RUNX3: variants seen among roughly 807,000 people sequenced by gnomAD.
The protein encoded by RUNX3 is RUNX family transcription factor 3, also known as runt-related transcription factor 3.
A neutral mutation model predicts 27.7 loss-of-function variants in RUNX3; 10 were observed. The observed-to-expected ratio is 0.36, with a 90% confidence interval of 0.22 to 0.61. The LOEUF is 0.61. RUNX3 is among the 20% of genes least tolerant of loss of function. The pLI is 0.72. For synonymous variants in RUNX3, 270 were observed against 269.2 expected, an observed-to-expected ratio of 1.00 and a Z score of -0.03; for missense variants, 469 against 629.5, an observed-to-expected ratio of 0.75 and a Z score of 2.73.
chr1:24,946,389 C>T (rs958905599), intron 2 of RUNX3, among the ~76,000 whole-genome samples: 1 of 150,516 alleles, frequency 6.6e-6, no homozygotes, highest in African/African-American at 2.4e-5. Flanking sequence ...GCCCTCCCTC[C>T]CTTCTCTCCT....
chr1:24,919,558 AC>A, intron 2 of RUNX3: 4 of 425,042 alleles, frequency 9.4e-6, no homozygotes, highest in South Asian at 3.4e-5. Flanking sequence ...AACTTTGTCA[AC>A]CCCCCGCCCC....
At chr1:24,945,503 G>A (rs922209274) in intron 2 of RUNX3, among the ~76,000 whole-genome samples, 1 of 152,198 alleles carries the variant, frequency 6.6e-6, no homozygotes, top group African/African-American at 2.4e-5. Context: ...CGGGCTGAGT[G>A]CTTTACACTT....
At chr1:24,938,353 T>C (rs1366576400) in intron 2 of RUNX3, among the ~76,000 whole-genome samples, 1 of 152,186 alleles carries the variant, frequency 6.6e-6, no homozygotes, top group Non-Finnish European at 1.5e-5. Context: ...ATCTAATAGC[T>C]GGGGAAACCG....
chr1:24,916,377 C>T lies in RUNX3; in HGVS notation c.544+2863G>A, dbSNP rs888583675. Among the ~76,000 whole-genome samples, 7 of 151,956 alleles carry T rather than the reference C, an allele frequency of 4.6e-5. No homozygotes were observed. The highest frequency in any genetic ancestry group is 9.7e-5 in the African/African-American group (4 of 41,200). On this transcript the variant is annotated intron_variant, in intron 3 of 4. Transcript: ENST00000308873. The surrounding 1 kb of genome is among the most constrained non-coding windows in gnomAD (Gnocchi z 4.8). ...GAGGTGAAAAGGCCCTTCCAAGTGG[C>T]CCTCACTTCCCGCAGCCCCCGGGTC...
chr1:24,949,445 T>C (rs1462842105), intron 2 of RUNX3, among the ~76,000 whole-genome samples: 1 of 152,124 alleles, frequency 6.6e-6, no homozygotes, highest in African/African-American at 2.4e-5. Context: ...ACTCAGACCC[T>C]GCCCAGCACC....
intron 3 of RUNX3, among the ~76,000 whole-genome samples, chr1:24,913,027 T>C (rs1025004359): frequency 3.9e-5 from 6 of 152,126 alleles, no homozygotes; most frequent in Non-Finnish European, 8.8e-5. Context: ...CAATTTCCAA[T>C]CATACCCTGC....
At chr1:24,913,482 G>GA (rs1640832775) in intron 3 of RUNX3, among the ~76,000 whole-genome samples, 1 of 152,274 alleles carries the variant, frequency 6.6e-6, no homozygotes, top group South Asian at 2.1e-4. Flanking sequence ...AAGGTTTCAA[G>GA]AATTACACAG....
intron 2 of RUNX3, among the ~76,000 whole-genome samples, chr1:24,964,104 C>T (rs569238284): frequency 2.0e-5 from 3 of 152,282 alleles, no homozygotes; most frequent in African/African-American, 7.2e-5. Context: ...ACAGCTCTCC[C>T]CAGAAGTTGC....
chr1:24,953,375 A>AAAAAAG (rs1553207892), intron 2 of RUNX3, among the ~76,000 whole-genome samples: 1 of 137,100 alleles, frequency 7.3e-6, no homozygotes, highest in South Asian at 2.5e-4. Flanking sequence ...AAAAAAAAAA[A>AAAAAAG]AAAAGAAAAG....
chr1:24,909,184 G>A (rs919627241), intron 3 of RUNX3, among the ~76,000 whole-genome samples: 6 of 152,146 alleles, frequency 3.9e-5, no homozygotes, highest in Non-Finnish European at 7.4e-5. Context: ...TATCAAGCTT[G>A]CAGGGACCTC....
At chr1:24,929,104 G>A (rs1461568194) in intron 1 of RUNX3, 1 of 459,704 alleles carries the variant, frequency 2.2e-6, no homozygotes. Flanking sequence ...CCGGCCTAGC[G>A]CCGTCCGGTA....
intron 2 of RUNX3, among the ~76,000 whole-genome samples, chr1:24,948,675 G>A (rs1464516048): frequency 6.7e-6 from 1 of 149,574 alleles, no homozygotes; most frequent in Non-Finnish European, 1.5e-5. Flanking sequence ...TGGGGGGTGC[G>A]TGCAAGACAG....
intron 3 of RUNX3, among the ~76,000 whole-genome samples, chr1:24,909,826 G>A (rs1180309581): frequency 6.6e-6 from 1 of 152,200 alleles, no homozygotes; most frequent in Non-Finnish European, 1.5e-5. Context: ...CCCTAACACG[G>A]TCACGGCCAT....
Position 24,927,801 on chromosome 1 carries a change from G to A in RUNX3, c.283-71C>T. The A allele has an allele frequency of 7.0e-7, 1 of 1,419,184 alleles. No homozygotes were observed. The highest frequency in any genetic ancestry group is 1.7e-5 in the Admixed American group (1 of 59,414). 87.9% of individuals were successfully genotyped at this position (1,419,184 alleles called of 1,614,324 possible). On this transcript the variant is annotated intron_variant, in intron 1 of 4. Coordinates refer to ENST00000308873, the MANE Select transcript of RUNX3 (RefSeq NM_004350.3). The surrounding 1 kb of genome is among the most constrained non-coding windows in gnomAD (Gnocchi z 5.0). ...AAGAGGGTGACCAGGGAAAGGAGGG[G>A]AGGGGCTGGGCTGGGCAGCTCCCCC... is the stretch of plus-strand genomic sequence containing the variant.
intron 2 of RUNX3, among the ~76,000 whole-genome samples, chr1:24,954,935 C>T (rs1641877740): frequency 6.6e-6 from 1 of 152,162 alleles, no homozygotes; most frequent in East Asian, 1.9e-4. Context: ...TTGGTTCAGT[C>T]CTGGAGCCCT....
Position 24,916,715 on chromosome 1 carries a change from T to C in RUNX3, c.544+2525A>G, listed in dbSNP as rs762202458. On this transcript the variant is annotated intron_variant, in intron 3 of 4. Coordinates refer to ENST00000308873, the MANE Select transcript of RUNX3 (RefSeq NM_004350.3). The surrounding 1 kb of genome is among the most constrained non-coding windows in gnomAD (Gnocchi z 4.8). ...GCCAGGGACAGGAACAGGCAGGTCC[T>C]AAGGATGGGGGACCTAGTAGACTGC... Among the ~76,000 whole-genome samples the C allele has an allele frequency of 6.6e-6, 1 of 152,104 alleles. No individual in the cohort carries two copies. Among genetic ancestry groups the C allele is most frequent in the African/African-American group, 2.4e-5 (1 of 41,404 alleles).
At chr1:24,918,311 CT>C (rs1640927425) in intron 3 of RUNX3, among the ~76,000 whole-genome samples, 1 of 152,192 alleles carries the variant, frequency 6.6e-6, no homozygotes, top group Admixed American at 6.5e-5. Context: ...GGGCGCCTTC[CT>C]GCTCCTTGCA....
chr1:24,927,340 G>A lies in RUNX3; in HGVS notation c.439+234C>T, dbSNP rs1641118270. The stretch of plus-strand genomic sequence containing the variant: ...GGGGGTGGCATGAACGGTTTCAGGA[G>A]TTGGTAAACCCTAGAAACTGGGAGA... On this transcript the variant is annotated intron_variant, in intron 2 of 4. Transcript: ENST00000308873. This position sits in a 1 kb window ranked among gnomAD's most constrained non-coding sequence, Gnocchi z 5.0. Among the ~76,000 whole-genome samples, 1 of 152,218 alleles carries A rather than the reference G, an allele frequency of 6.6e-6. No homozygotes were observed. The highest frequency in any genetic ancestry group is 6.5e-5 in the Admixed American group (1 of 15,288).
At chr1:24,938,537 G>A (rs1317815193) in intron 2 of RUNX3, among the ~76,000 whole-genome samples, 1 of 152,108 alleles carries the variant, frequency 6.6e-6, no homozygotes, top group African/African-American at 2.4e-5. Flanking sequence ...AGCCCAGGTG[G>A]TCTGTCAGGC....
Sources: gnomAD v4.1 joint callset for allele counts (sites outside exome capture counted in the v4.1 genomes callset) on GRCh38, gnomAD v4.1.1 for gene constraint, Gnocchi (gnomAD v3.1) non-coding constraint, MANE v1.5 for transcripts, NCBI Gene and HGNC (gene_info 2026-07-23, HGNC 2026-07-21) for gene names.